Variants in CHD5 observed in about 807,000 individuals in gnomAD.
The protein encoded by CHD5 is chromodomain helicase DNA binding protein 5.
A neutral mutation model predicts 230.3 loss-of-function variants in CHD5; 69 were observed. That is an observed-to-expected ratio of 0.30 (90% CI 0.25 to 0.37). The LOEUF (loss-of-function observed/expected upper bound fraction) is 0.37, where lower values mean the gene tolerates loss of function less well. CHD5 is among the 10% of genes least tolerant of loss of function. CHD5 has a pLI of 1.00. For missense variants in CHD5, 1,827 were observed against 2,622.8 expected (o/e 0.70, Z 6.63); for synonymous variants, 1,064 against 1,065.9 (o/e 1.00, Z 0.03).
Position 6,110,374 on chromosome 1 carries a change from T to C in CHD5, c.5382+20A>G. Reference sequence around the variant, plus strand: ...CGTCCCTCCCTGCCCCGTGCAGCCCTGGCCCTTCAGAAGACAGACCTTAAA... The same window carrying C: ...CGTCCCTCCCTGCCCCGTGCAGCCCCGGCCCTTCAGAAGACAGACCTTAAA... On this transcript the variant is annotated intron_variant, in intron 37 of 41. Transcript: ENST00000262450. The C allele has an allele frequency of 6.2e-7, 1 of 1,613,802 alleles. No individual in the cohort carries two copies. Among genetic ancestry groups the C allele is most frequent in the Non-Finnish European group, 8.5e-7 (1 of 1,179,960 alleles).
At chr1:6,124,880 T>TAA (rs1666529671) in intron 29 of CHD5, among the ~76,000 whole-genome samples, 1 of 152,182 alleles carries the variant, frequency 6.6e-6, no homozygotes, top group Non-Finnish European at 1.5e-5. Context: ...CTCGCTGCCA[T>TAA]AACACCAGCT....
At chr1:6,176,396 G>T (rs1245275940) in intron 1 of CHD5, among the ~76,000 whole-genome samples, 1 of 152,186 alleles carries the variant, frequency 6.6e-6, no homozygotes. Flanking sequence ...CACTAGCTTT[G>T]TCTGTGATTG....
chr1:6,121,024 C>T lies in CHD5; in HGVS notation c.4912+81G>A. Reference sequence around the variant, plus strand: ...TGCCAGGGAGAAATGAGCGGAAGTACAGCCACCTGCCCTTCTCTGAACCCA... The same window carrying T: ...TGCCAGGGAGAAATGAGCGGAAGTATAGCCACCTGCCCTTCTCTGAACCCA... On this transcript the variant is annotated intron_variant, in intron 33 of 41. Transcript: ENST00000262450. The surrounding 1 kb of genome is among the most constrained non-coding windows in gnomAD (Gnocchi z 4.5). The T allele has an allele frequency of 7.0e-7, 1 of 1,422,290 alleles. No homozygotes were observed. The highest frequency in any genetic ancestry group is 1.5e-5 in the South Asian group (1 of 67,180). 88.1% of individuals were successfully genotyped at this position (1,422,290 alleles called of 1,614,324 possible). A position where few individuals can be genotyped will look rare whatever the true frequency, so the allele number is the denominator to read the frequency against.
rs1666914884 is a variant in CHD5, at chr1:6,146,559, C to T, written c.1590+106G>A. On this transcript the variant is annotated intron_variant, in intron 10 of 41. Coordinates refer to ENST00000262450, the MANE Select transcript of CHD5 (RefSeq NM_015557.3). The surrounding 1 kb of genome is among the most constrained non-coding windows in gnomAD (Gnocchi z 5.1). ...CGCTCAGCACCACCCCAACTCCCAACAGCACCCCTCAGTCAGAGGCGCTTC... is the reference window on the plus strand; with the variant it reads ...CGCTCAGCACCACCCCAACTCCCAATAGCACCCCTCAGTCAGAGGCGCTTC... 1.4e-6 allele frequency: 2 copies of T among 1,396,150 alleles called. No individual in the cohort carries two copies. The highest frequency in any genetic ancestry group is 1.0e-6 in the Non-Finnish European group (1 of 990,574). 86.5% of individuals were successfully genotyped at this position (1,396,150 alleles called of 1,614,324 possible). A position where few individuals can be genotyped will look rare whatever the true frequency, so the allele number is the denominator to read the frequency against.
chr1:6,151,139 C>T lies in CHD5; in HGVS notation c.887G>A (p.Arg296Lys). ...GGCGCTGTCGAAGTCCGACTCCTCCCTCTCATCTTCTTCACTCTGCAGGGG... is the reference window on the plus strand; with the variant it reads ...GGCGCTGTCGAAGTCCGACTCCTCCTTCTCATCTTCTTCACTCTGCAGGGG... ...KKGSSSEEDEREESDFDSASI... is the reference protein window; with the variant it reads ...KKGSSSEEDEKEESDFDSASI... Residue 296 changes from arginine (R) to lysine (K), a missense_variant, in exon 7 of 42, where the codon AGG becomes AAG. Physicochemically the swap from Arg to Lys is conservative, Grantham distance 26 (BLOSUM62 2). Transcript: ENST00000262450. 6.2e-7 allele frequency: 1 copy of T among 1,606,856 alleles called. No homozygotes were observed. Among genetic ancestry groups the T allele is most frequent in the Non-Finnish European group, 8.5e-7 (1 of 1,176,192 alleles).
At chr1:6,113,796 G>A (rs964955754) in intron 33 of CHD5, among the ~76,000 whole-genome samples, 3 of 152,176 alleles carry the variant, frequency 2.0e-5, no homozygotes, top group African/African-American at 4.8e-5. Flanking sequence ...CCTTGTCCTC[G>A]TGGGTGTGGG....
Position 6,143,844 on chromosome 1 carries a change from C to T in CHD5, c.2022G>A (p.Pro674=), listed in dbSNP as rs373406644. The T allele has an allele frequency of 1.2e-5, 20 of 1,612,150 alleles. No individual in the cohort carries two copies. The highest frequency in any genetic ancestry group is 2.7e-5 in the African/African-American group (2 of 74,872). ...TCACGTCCACAATGGGCGTGTCCGG[C>T]GGCTTCTCCTGCTTGTCGTCCCTCA... ...KKLRDDKQEK[P]PDTPIVDPTV... The change falls in exon 13 of 42, where the codon CCG becomes CCA. Residue 674 remains proline, a synonymous_variant. Coordinates refer to ENST00000262450, the MANE Select transcript of CHD5 (RefSeq NM_015557.3).
At chr1:6,123,909 T>C in intron 31 of CHD5, 39 bp downstream of exon 31, 1 of 1,387,118 alleles carries the variant, frequency 7.2e-7, no homozygotes, top group Non-Finnish European at 9.4e-7. Flanking sequence ...CCACTTTCCA[T>C]GACCCCAGTG....
chr1:6,110,172 C>A (rs1434978966), intron 37 of CHD5, among the ~76,000 whole-genome samples, 182 bp from the exon 38 acceptor site: 1 of 152,242 alleles, frequency 6.6e-6, no homozygotes, highest in Non-Finnish European at 1.5e-5. Context: ...AAGCTGGGTT[C>A]TCTGTACCCC....
Position 6,134,636 on chromosome 1 carries a change from G to T in CHD5, c.3012+82C>A. 7.1e-7 allele frequency: 1 copy of T among 1,409,514 alleles called. No individual in the cohort carries two copies. The highest frequency in any genetic ancestry group is 1.0e-6 in the Non-Finnish European group (1 of 998,638). The allele number at this position is 1,409,514 out of a possible 1,614,324, so 87.3% of individuals were successfully genotyped here. A position where few individuals can be genotyped will look rare whatever the true frequency, so the allele number is the denominator to read the frequency against. ...ATGGCCAGGAGAACCTATCACAGCG[G>T]CCACAGGGACCTACCATGGCGGCCA... is the stretch of plus-strand genomic sequence containing the variant. On this transcript the variant is annotated intron_variant, in intron 19 of 41. Coordinates refer to ENST00000262450, the MANE Select transcript of CHD5 (RefSeq NM_015557.3). The surrounding 1 kb of genome is among the most constrained non-coding windows in gnomAD (Gnocchi z 6.3).
At chr1:6,135,110 A>G (rs1666718320) in intron 18 of CHD5, 120 bp downstream of exon 18, 1 of 1,205,606 alleles carries the variant, frequency 8.3e-7, no homozygotes, top group Admixed American at 1.9e-5. Context: ...GTGTATGCAA[A>G]GCATTAGCCG....
At chr1:6,123,401 T>G (rs1454846858) in intron 31 of CHD5, among the ~76,000 whole-genome samples, 1 of 151,874 alleles carries the variant, frequency 6.6e-6, no homozygotes, top group African/African-American at 2.4e-5. Context: ...TTGTACACCC[T>G]ACGAATATAC....
At chr1:6,136,984 C>A (rs1666755921) in intron 15 of CHD5, 119 bp from the exon 16 acceptor site, 1 of 1,108,892 alleles carries the variant, frequency 9.0e-7, no homozygotes, top group African/African-American at 1.6e-5. Context: ...CCACGGAGCC[C>A]TGGGCCGGCC....
intron 2 of CHD5, among the ~76,000 whole-genome samples, chr1:6,166,873 T>TGAGA (rs1392852721): frequency 6.6e-6 from 1 of 152,082 alleles, no homozygotes; most frequent in African/African-American, 2.4e-5. Flanking sequence ...GATCTCACCT[T>TGAGA]GTTCACGGGA....
chr1:6,132,062 G>A (rs1306613918), intron 20 of CHD5, among the ~76,000 whole-genome samples: 13 of 152,064 alleles, frequency 8.5e-5, no homozygotes, highest in East Asian at 1.9e-4. Flanking sequence ...GCTGCAGGAC[G>A]AGTGCTCCTT....
rs1557533436 is a variant in CHD5 at position 6,106,579 on chromosome 1, AG to A, written c.5742+36del. Reference sequence around the variant, plus strand: ...CCCAGCCTCCACCCAGGGGCACGCCAGGGGGCTCGGGCCGGGGCACACAGGC... The same window carrying A: ...CCCAGCCTCCACCCAGGGGCACGCCAGGGGCTCGGGCCGGGGCACACAGGC... On this transcript the variant is annotated intron_variant, in intron 39 of 41. Transcript: ENST00000262450. 11 of 1,551,430 alleles carry A rather than the reference AG, an allele frequency of 7.1e-6. No individual in the cohort carries two copies. The South Asian group carries it at 1.1e-4, about 15-fold the overall frequency.
chr1:6,148,101 G>A (rs1234709245), intron 9 of CHD5, among the ~76,000 whole-genome samples: 2 of 152,064 alleles, frequency 1.3e-5, no homozygotes, highest in South Asian at 2.1e-4. Context: ...ACAAGTATGC[G>A]CACGGATGCA....
chr1:6,136,672 T>C (rs1296827558), intron 16 of CHD5, 34 bp from the exon 17 acceptor site: 1 of 1,612,804 alleles, frequency 6.2e-7, no homozygotes. Context: ...GTCAGGGGGC[T>C]CTGGGCGGCC....
Position 6,148,956 on chromosome 1 carries a change from C to T in CHD5, c.1281G>A (p.Glu427=). ...EFCRVCKDGG[E]LLCCDACPSS... The stretch of plus-strand genomic sequence containing the variant: ...AGGGGCAGGCGTCGCAGCAGAGCAG[C>T]TCGCCCCCGTCCTTGCACACGCGGC... The change falls in exon 9 of 42, where the codon GAG becomes GAA. Residue 427 remains glutamate, a synonymous_variant. Transcript: ENST00000262450. 1.2e-6 allele frequency: 2 copies of T among 1,605,076 alleles called. No individual in the cohort carries two copies. The highest frequency in any genetic ancestry group is 1.1e-5 in the South Asian group (1 of 90,060).
Sources: gnomAD v4.1 joint callset for allele counts (sites outside exome capture counted in the v4.1 genomes callset) on GRCh38, gnomAD v4.1.1 for gene constraint, Gnocchi (gnomAD v3.1) non-coding constraint, MANE v1.5 for transcripts, NCBI Gene and HGNC (gene_info 2026-07-23, HGNC 2026-07-21) for gene names.